RASAL2: variants seen among roughly 807,000 people sequenced by gnomAD.
The protein encoded by RASAL2 is ras GTPase-activating protein nGAP.
Under a neutral mutation model 128.9 loss-of-function variants are expected in RASAL2, and 58 were observed. The observed-to-expected ratio is 0.45, with a 90% CI of 0.36 to 0.56. RASAL2 has a LOEUF of 0.56. Ranked by LOEUF, RASAL2 falls within the 20% of genes least tolerant of loss-of-function variation. The pLI is 0.00. For synonymous variants in RASAL2, 561 were observed against 580.8 expected, an observed-to-expected ratio of 0.97 and a Z score of 0.49; for missense variants, 1,360 against 1,601.6, an observed-to-expected ratio of 0.85 and a Z score of 2.57.
At position 178,099,276 on chromosome 1, in the gene RASAL2, A is replaced by G. The variant is rs190034927; in HGVS notation, c.202+4582A>G. On this transcript the variant is annotated intron_variant, in intron 1 of 17. Coordinates refer to ENST00000367649, the MANE Select transcript of RASAL2 (RefSeq NM_170692.4). ...TTTTGGAATCTTAAGCTTGAGTTCA[A>G]TACTTAGGATGTGGCATAGGCTTGT... Among the ~76,000 whole-genome samples the G allele has an allele frequency of 7.0e-4, 106 of 152,346 alleles. 1 individual carries two copies. The highest frequency in any genetic ancestry group is 3.4e-3 in the Middle Eastern group (1 of 294).
intron 1 of RASAL2, among the ~76,000 whole-genome samples, chr1:178,132,800 G>A (rs1287264812): frequency 1.7e-5 from 2 of 120,542 alleles, no homozygotes; most frequent in Non-Finnish European, 3.3e-5. Context: ...ACGGAGTCTT[G>A]CTCTGTCACC....
chr1:178,313,794 TGTA>T (rs1320275347), intron 3 of RASAL2, among the ~76,000 whole-genome samples: 1 of 152,234 alleles, frequency 6.6e-6, no homozygotes, highest in Admixed American at 6.5e-5. Flanking sequence ...TATAGTCACT[TGTA>T]GTAAGATATT....
At chr1:178,389,115 G>A in intron 3 of RASAL2, 1 of 195,666 alleles carries the variant, frequency 5.1e-6, no homozygotes. Flanking sequence ...AGAACAGCAG[G>A]AATCAAAATG....
At chr1:178,134,527 A>G (rs752474895) in intron 1 of RASAL2, among the ~76,000 whole-genome samples, 1 of 151,990 alleles carries the variant, frequency 6.6e-6, no homozygotes, top group African/African-American at 2.4e-5. Flanking sequence ...GGGGCAGGCA[A>G]TCGACATCAG....
chr1:178,356,452 C>G (rs1177310347), intron 3 of RASAL2, among the ~76,000 whole-genome samples: 1 of 151,798 alleles, frequency 6.6e-6, no homozygotes, highest in African/African-American at 2.4e-5. Context: ...TGGATACAAC[C>G]TGGAAAAAAA....
intron 1 of RASAL2, among the ~76,000 whole-genome samples, chr1:178,180,489 A>AAAAAAAAAAAAAAAAAAAAAC (rs1362995618): frequency 9.1e-6 from 1 of 110,358 alleles, no homozygotes; most frequent in African/African-American, 3.5e-5. Context: ...CTCTACCAAA[A>AAAAAAAAAAAAAAAAAAAAAC]AAAAAAAAAA....
In RASAL2 at chr1:178,443,089, C is replaced by G; in HGVS notation, c.1342C>G (p.Gln448Glu). 6.2e-7 allele frequency: 1 copy of G among 1,613,940 alleles called. No individual in the cohort carries two copies. Among genetic ancestry groups the G allele is most frequent in the Non-Finnish European group, 8.5e-7 (1 of 1,179,942 alleles). Residue 448 changes from glutamine to glutamate, a missense_variant, in exon 8 of 18, where the codon CAA becomes GAA. Gln to Glu is a conservative substitution (Grantham distance 29). Transcript: ENST00000367649. ...FQTITILPME[Q>E]YKEFAEFVTS... ...AACTATCACCATTCTGCCTATGGAG[C>G]AATACAAAGAATTTGCAGAATTTGT...
intron 4 of RASAL2, among the ~76,000 whole-genome samples, chr1:178,404,746 A>T (rs1422230985): frequency 6.8e-6 from 1 of 146,614 alleles, no homozygotes; most frequent in Non-Finnish European, 1.5e-5. Flanking sequence ...CAGTGGCGCA[A>T]CCTCAGCTCA....
intron 1 of RASAL2, among the ~76,000 whole-genome samples, chr1:178,224,790 G>C (rs1039095651): frequency 7.2e-5 from 11 of 152,124 alleles, no homozygotes; most frequent in African/African-American, 2.7e-4. Context: ...AACAGACTAT[G>C]TCTAAGCTGA....
chr1:178,109,020 C>T (rs1343169947), intron 1 of RASAL2, among the ~76,000 whole-genome samples: 2 of 152,076 alleles, frequency 1.3e-5, no homozygotes, highest in African/African-American at 4.8e-5. Context: ...ATGCCTATTA[C>T]TTATGTTTGA....
intron 1 of RASAL2, among the ~76,000 whole-genome samples, chr1:178,258,075 A>T (rs1245547472): frequency 1.3e-5 from 2 of 152,006 alleles, no homozygotes; most frequent in East Asian, 1.9e-4. Context: ...CGGGCGGATC[A>T]TGAGGTCAGG....
At chr1:178,392,981 T>G (rs1447127511) in intron 4 of RASAL2, among the ~76,000 whole-genome samples, 1 of 152,172 alleles carries the variant, frequency 6.6e-6, no homozygotes, top group Non-Finnish European at 1.5e-5. Flanking sequence ...ATAATAACAT[T>G]CAAAATGTGG....
At chr1:178,236,605 CAA>C (rs1461264282) in intron 1 of RASAL2, among the ~76,000 whole-genome samples, 1 of 151,876 alleles carries the variant, frequency 6.6e-6, no homozygotes, top group Admixed American at 6.6e-5. Context: ...CAAAGGAAAA[CAA>C]AAAACAGAAA....
At chr1:178,145,059 A>G (rs1660672581) in intron 1 of RASAL2, among the ~76,000 whole-genome samples, 1 of 152,174 alleles carries the variant, frequency 6.6e-6, no homozygotes, top group Non-Finnish European at 1.5e-5. Context: ...TTGTTTTTTC[A>G]TGTCAAAATT....
At chr1:178,295,685 T>C (rs763512880) in intron 2 of RASAL2, among the ~76,000 whole-genome samples, 30 of 152,108 alleles carry the variant, frequency 2.0e-4, no homozygotes, top group Non-Finnish European at 4.0e-4. Flanking sequence ...ATGCAGTAGG[T>C]CTGGGGTGGG....
At chr1:178,302,644 C>A (rs1667816789) in intron 3 of RASAL2, among the ~76,000 whole-genome samples, 1 of 152,138 alleles carries the variant, frequency 6.6e-6, no homozygotes, top group Non-Finnish European at 1.5e-5. Context: ...TACAAATTGG[C>A]AAGTTGATTC....
intron 8 of RASAL2, among the ~76,000 whole-genome samples, chr1:178,444,968 A>G (rs763336644): frequency 1.3e-5 from 2 of 152,100 alleles, no homozygotes; most frequent in African/African-American, 2.4e-5. Flanking sequence ...AGATGATACT[A>G]TGAAATGGAG....
Position 178,439,966 on chromosome 1 carries a change from TATCCATCCATCC to T in RASAL2, c.828+424_828+435del, listed in dbSNP as rs554884956. Among the ~76,000 whole-genome samples the T allele has an allele frequency of 2.3e-4, 24 of 104,858 alleles. 1 individual carries two copies. The highest frequency in any genetic ancestry group is 4.5e-4 in the Admixed American group (5 of 11,224). 68.8% of individuals were successfully genotyped at this position (104,858 alleles called of 152,430 possible). A position where few individuals can be genotyped will look rare whatever the true frequency, so the allele number is the denominator to read the frequency against. On this transcript the variant is annotated intron_variant, in intron 6 of 17. Coordinates refer to ENST00000367649, the MANE Select transcript of RASAL2 (RefSeq NM_170692.4). ...GATCTGAGACCATGTTTTTCTTATT[TATCCATCCATCC>T]ATCCATCCATCCATCCATCCATCCA...
At chr1:178,463,783 A>G (rs2102935590) in intron 14 of RASAL2, among the ~76,000 whole-genome samples, 1 of 152,320 alleles carries the variant, frequency 6.6e-6, no homozygotes, top group African/African-American at 2.4e-5. Context: ...TCTGATATAT[A>G]AATGGGCACT....
Sources: gnomAD v4.1 joint callset for allele counts (sites outside exome capture counted in the v4.1 genomes callset) on GRCh38, gnomAD v4.1.1 for gene constraint, MANE v1.5 for transcripts, NCBI Gene and HGNC (gene_info 2026-07-23, HGNC 2026-07-21) for gene names.